Variants in LONP2 observed in about 807,000 individuals in gnomAD.
The protein encoded by LONP2 is lon peptidase 2, peroxisomal, also known as lon protease homolog 2, peroxisomal.
In LONP2, 60 loss-of-function variants were observed where a neutral mutation model predicts 85.6. The observed-to-expected ratio is 0.70, with a 90% CI of 0.57 to 0.87. The LOEUF is 0.87. Among genes scored for constraint, LONP2 ranks in the 40% least tolerant of loss-of-function variants. The pLI is 0.00. For synonymous variants in LONP2, 395 were observed against 389.7 expected (o/e 1.01, Z -0.16); for missense variants, 860 against 1,063.5 (o/e 0.81, Z 2.66).
intron 6 of LONP2, among the ~76,000 whole-genome samples, chr16:48,263,127 G>A (rs911387813): frequency 6.6e-6 from 1 of 151,972 alleles, no homozygotes; most frequent in Non-Finnish European, 1.5e-5. Context: ...AAACATATCC[G>A]TCACCTCCAA....
intron 11 of LONP2, among the ~76,000 whole-genome samples, chr16:48,322,799 G>A (rs917355243): frequency 1.3e-5 from 2 of 152,174 alleles, no homozygotes; most frequent in Non-Finnish European, 1.5e-5. Flanking sequence ...TGACTATGAA[G>A]TATTATGTAC....
At chr16:48,340,497 C>T (rs919759159) in intron 12 of LONP2, among the ~76,000 whole-genome samples, 6 of 152,098 alleles carry the variant, frequency 3.9e-5, no homozygotes, top group Non-Finnish European at 7.4e-5. Context: ...TTACTTTCAT[C>T]GAAGATGAAT....
At chr16:48,273,651 T>G (rs1272277977) in intron 7 of LONP2, among the ~76,000 whole-genome samples, 1 of 152,214 alleles carries the variant, frequency 6.6e-6, no homozygotes, top group Non-Finnish European at 1.5e-5. Context: ...TATATTTAAG[T>G]ATTACATTTA....
intron 2 of LONP2, among the ~76,000 whole-genome samples, chr16:48,254,145 G>A (rs974262613): frequency 2.0e-5 from 3 of 152,090 alleles, no homozygotes; most frequent in Admixed American, 6.5e-5. Context: ...TTGAGTAAAA[G>A]ACTTTAATGG....
intron 8 of LONP2, among the ~76,000 whole-genome samples, chr16:48,292,359 A>C (rs894273420): frequency 6.6e-6 from 1 of 152,040 alleles, no homozygotes; most frequent in Non-Finnish European, 1.5e-5. Flanking sequence ...TGTGAGGGAG[A>C]TATGTAGCTT....
Position 48,351,588 on chromosome 16 carries a change from G to T in LONP2, c.2345G>T (p.Gly782Val). 2 of 1,613,734 alleles carry T rather than the reference G, an allele frequency of 1.2e-6. No individual in the cohort carries two copies. The highest frequency in any genetic ancestry group is 1.7e-6 in the Non-Finnish European group (2 of 1,179,756). The change falls in exon 15 of 15, where the codon GGA (glycine) becomes GTA (valine). Residue 782 changes from glycine to valine, a missense_variant. Transcript: ENST00000285737. The part of the protein sequence containing the change: ...TLRGLVLPVG[G>V]IKDKVLAAHR... ...TTTTTTCTCTCCTTACAGGTGGGTG[G>T]AATTAAAGACAAAGTGCTGGCGGCA...
At chr16:48,361,492 A>C, downstream of LONP2, 13 of 1,362,942 alleles carry the variant, frequency 9.5e-6, no homozygotes, top group Non-Finnish European at 1.2e-5. Context: ...ACCTACCGAA[A>C]GAGTTTTAGG....
At chr16:48,283,278 A>T (rs1230363092) in intron 8 of LONP2, among the ~76,000 whole-genome samples, 1 of 152,366 alleles carries the variant, frequency 6.6e-6, no homozygotes, top group East Asian at 1.9e-4. Flanking sequence ...CATCTAGCTA[A>T]CATCATTGAT....
Position 48,355,659 on chromosome 16 carries a change from C to T in LONP2, c.*3857C>T, listed in dbSNP as rs1960318410. ...ACAAATGTTCCAGTTTCTCCACATCCTTGCCAGCACTCATTTTCTGGGTTT... is the reference window on the plus strand; with the variant it reads ...ACAAATGTTCCAGTTTCTCCACATCTTTGCCAGCACTCATTTTCTGGGTTT... On this transcript the variant is annotated 3_prime_UTR_variant, in exon 15 of 15. Transcript: ENST00000285737. 6.6e-6 allele frequency: 1 copy of T among 152,150 alleles called. No individual in the cohort carries two copies. Among genetic ancestry groups the T allele is most frequent in the Admixed American group, 6.5e-5 (1 of 15,268 alleles). 9.4% of individuals were successfully genotyped at this position (152,150 alleles called of 1,614,324 possible).
chr16:48,272,495 G>T lies in LONP2; in HGVS notation c.1241+2221G>T, dbSNP rs191965495. ...TGAATATGCTTTTGTGTATGTGACT[G>T]TATTAAGAAAATTGAGTCTGAAGAA... On this transcript the variant is annotated intron_variant, in intron 7 of 14. Coordinates refer to ENST00000285737, the MANE Select transcript of LONP2 (RefSeq NM_031490.5). Among the ~76,000 whole-genome samples the T allele has an allele frequency of 3.7e-4, 56 of 152,132 alleles. No homozygotes were observed. In the East Asian group the frequency reaches 0.01, roughly 28 times the overall value.
At chr16:48,248,029 A>ATTAAATTTAAATTTATCCTTTAAATT (rs1361086264) in intron 1 of LONP2, among the ~76,000 whole-genome samples, 41 of 152,232 alleles carry the variant, frequency 2.7e-4, no homozygotes, top group Admixed American at 2.0e-4. Context: ...AACTCAATTT[A>ATTAAATTTAAATTTATCCTTTAAATT]TTAAATTTAA....
chr16:48,283,222 A>G (rs1972367249), intron 8 of LONP2, among the ~76,000 whole-genome samples: 1 of 152,234 alleles, frequency 6.6e-6, no homozygotes, highest in South Asian at 2.1e-4. Flanking sequence ...GGGAAGCAGC[A>G]AGTACTGATG....
intron 11 of LONP2, among the ~76,000 whole-genome samples, chr16:48,309,328 A>G (rs1972980343): frequency 6.6e-6 from 1 of 152,348 alleles, no homozygotes; most frequent in South Asian, 2.1e-4. Context: ...CATTATGTCA[A>G]AAAGATACCT....
chr16:48,306,508 G>T (rs931567005), intron 11 of LONP2, among the ~76,000 whole-genome samples: 8 of 152,112 alleles, frequency 5.3e-5, no homozygotes, highest in Non-Finnish European at 1.2e-4. Context: ...AAGCAGATTT[G>T]CTTAGTTAAG....
In LONP2 at chr16:48,298,626, G is replaced by GGGGTGT. The variant is rs565121093; in HGVS notation, c.1535-1035_1535-1034insGGTGTG. On this transcript the variant is annotated intron_variant, in intron 9 of 14. Transcript: ENST00000285737. ...TGGAACCCACTGCTTATTTAATTGA[G>GGGGTGT]GTGTGTGTGTGTGTGTGTGTGTGTG... is the stretch of plus-strand genomic sequence containing the variant. 7.0e-3 allele frequency among the ~76,000 whole-genome samples: 944 copies of GGGGTGT among 134,374 alleles called. 5 individuals carry two copies. Among genetic ancestry groups the GGGGTGT allele is most frequent in the Admixed American group, 0.012 (151 of 13,082 alleles). 88.2% of individuals were successfully genotyped at this position (134,374 alleles called of 152,430 possible). A position where few individuals can be genotyped will look rare whatever the true frequency, so the allele number is the denominator to read the frequency against.
chr16:48,344,516 T>G (rs987609540), intron 12 of LONP2: 1 of 152,234 alleles, frequency 6.6e-6, no homozygotes, highest in Non-Finnish European at 1.5e-5. Flanking sequence ...CACCACCAAC[T>G]GTTCCAATTA....
downstream of LONP2, among the ~76,000 whole-genome samples, chr16:48,359,881 GA>G (rs1352537713): frequency 6.6e-6 from 1 of 152,182 alleles, no homozygotes; most frequent in Non-Finnish European, 1.5e-5. Context: ...AATTTTCATT[GA>G]CTTTCTAGGC....
At chr16:48,257,598 C>T (rs183971239) in intron 3 of LONP2, among the ~76,000 whole-genome samples, 21 of 152,290 alleles carry the variant, frequency 1.4e-4, no homozygotes, top group African/African-American at 4.1e-4. Flanking sequence ...TTTTCTTGCA[C>T]ACTTATTTTT....
Position 48,299,671 on chromosome 16 carries a change from A to C in LONP2, c.1544A>C (p.Gln515Pro). 6.2e-7 allele frequency: 1 copy of C among 1,613,142 alleles called. No individual in the cohort carries two copies. Among genetic ancestry groups the C allele is most frequent in the Non-Finnish European group, 8.5e-7 (1 of 1,179,624 alleles). ...MEIIQVPGYT[Q>P]EEKIEIAHRH... ...ATCTCTTCTTTTCCAGGTTATACAC[A>C]GGAGGAGAAGATAGAGATTGCCCAT... Residue 515 changes from glutamine to proline, a missense_variant, in exon 10 of 15, where the codon CAG (glutamine) becomes CCG (proline). Gln to Pro is a moderately conservative substitution (Grantham distance 76, BLOSUM62 -1). Coordinates refer to ENST00000285737, the MANE Select transcript of LONP2 (RefSeq NM_031490.5).
Sources: gnomAD v4.1 joint callset for allele counts (sites outside exome capture counted in the v4.1 genomes callset) on GRCh38, gnomAD v4.1.1 for gene constraint, MANE v1.5 for transcripts, NCBI Gene and HGNC (gene_info 2026-07-23, HGNC 2026-07-21) for gene names.